The following CDK19 variants were observed in gnomAD, a reference collection of about 807,000 sequenced individuals.
CDK19 encodes cyclin-dependent kinase 19.
Under a neutral mutation model 68.3 loss-of-function variants are expected in CDK19, and 20 were observed. That is an observed-to-expected ratio of 0.29 (90% CI 0.21 to 0.43). The LOEUF is 0.43. Ranked by LOEUF, CDK19 falls within the 20% of genes least tolerant of loss-of-function variation. The pLI, the probability that CDK19 is intolerant of heterozygous loss-of-function variation, is 1.00. For missense variants in CDK19, 339 were observed against 623.5 expected (o/e 0.54, Z 4.86); for synonymous variants, 221 against 222.8 (o/e 0.99, Z 0.07).
intron 2 of CDK19, 49 bp downstream of exon 2, chr6:110,746,077 T>C: frequency 1.1e-6 from 1 of 888,184 alleles, no homozygotes; most frequent in Non-Finnish European, 1.7e-6. Flanking sequence ...AAATAAATCA[T>C]CACCCAATAT....
At chr6:110,755,261 G>C (rs550190392) in intron 1 of CDK19, among the ~76,000 whole-genome samples, 1 of 151,928 alleles carries the variant, frequency 6.6e-6, no homozygotes, top group South Asian at 2.1e-4. Context: ...GGCTGGTCTC[G>C]AACTCCTGAC....
rs1408824747 is a variant in CDK19, at chr6:110,627,161, C to T, written c.647-16G>A. ...GCCCATATATCTGGGAAGGAAGAAA[C>T]ATAAGTTTTTGTATATATTTCCTTG... is the stretch of plus-strand genomic sequence containing the variant. On this transcript the variant is annotated splice_polypyrimidine_tract_variant and intron_variant, in intron 6 of 12. Transcript: ENST00000368911. 1 of 1,588,688 alleles carries T rather than the reference C, an allele frequency of 6.3e-7. No individual in the cohort carries two copies. Among genetic ancestry groups the T allele is most frequent in the Admixed American group, 1.8e-5 (1 of 56,462 alleles).
rs115645090 is a variant in CDK19, at chr6:110,771,544, C to T, written c.129-25343G>A. On this transcript the variant is annotated intron_variant, in intron 1 of 12. Transcript: ENST00000368911. ...CCAGGCCTGTGATGGGAGAGGCTGCCTTGAAGATCTCTGACATGCTCTGGA... is the reference window on the plus strand; with the variant it reads ...CCAGGCCTGTGATGGGAGAGGCTGCTTTGAAGATCTCTGACATGCTCTGGA... Among the ~76,000 whole-genome samples the T allele has an allele frequency of 5.5e-3, 835 of 152,318 alleles. 8 individuals are homozygous for T. The highest frequency in any genetic ancestry group is 0.02 in the African/African-American group (813 of 41,576).
chr6:110,723,146 A>AC (rs1776051444), intron 2 of CDK19, among the ~76,000 whole-genome samples: 1 of 102,340 alleles, frequency 9.8e-6, no homozygotes, highest in African/African-American at 2.8e-5. Flanking sequence ...AAAAAAAACA[A>AC]AAAACAAAAA....
intron 4 of CDK19, among the ~76,000 whole-genome samples, chr6:110,661,124 G>C (rs900395513): frequency 6.6e-6 from 1 of 152,080 alleles, no homozygotes. Context: ...ATATATAGAT[G>C]GTTCCCAACT....
intron 2 of CDK19, among the ~76,000 whole-genome samples, chr6:110,682,545 A>G (rs968129945): frequency 6.6e-6 from 1 of 152,126 alleles, no homozygotes; most frequent in Admixed American, 6.6e-5. Context: ...ATACTCTGAA[A>G]AGGGGTCTGT....
chr6:110,719,887 T>C (rs1003043452), intron 2 of CDK19, among the ~76,000 whole-genome samples: 1 of 151,620 alleles, frequency 6.6e-6, no homozygotes, highest in Non-Finnish European at 1.5e-5. Flanking sequence ...TGCGCCACCA[T>C]GTCCAGCTAA....
At chr6:110,746,282 C>CA (rs1309138087) in intron 1 of CDK19, 81 bp from the exon 2 acceptor site, 3 of 775,356 alleles carry the variant, frequency 3.9e-6, no homozygotes, top group Non-Finnish European at 6.4e-6. Context: ...AATGGAAATG[C>CA]ACTTAATTTC....
chr6:110,654,339 T>G (rs1017073452), intron 4 of CDK19, among the ~76,000 whole-genome samples: 10 of 152,156 alleles, frequency 6.6e-5, no homozygotes, highest in Non-Finnish European at 1.3e-4. Flanking sequence ...TCTTAAGCAG[T>G]TATTTGCTAA....
intron 1 of CDK19, among the ~76,000 whole-genome samples, chr6:110,794,618 T>C (rs1781816504): frequency 6.6e-6 from 1 of 151,394 alleles, no homozygotes; most frequent in African/African-American, 2.4e-5. Context: ...TTAGCCAGGA[T>C]GGTCTCGATC....
intron 1 of CDK19, among the ~76,000 whole-genome samples, chr6:110,774,295 TC>T (rs146090426): frequency 2.6e-5 from 4 of 152,102 alleles, no homozygotes; most frequent in African/African-American, 9.7e-5. Flanking sequence ...TATGCAGTAG[TC>T]CCCCCTTATC....
At chr6:110,803,030 G>T (rs1228873273) in intron 1 of CDK19, among the ~76,000 whole-genome samples, 1 of 151,968 alleles carries the variant, frequency 6.6e-6, no homozygotes, top group Non-Finnish European at 1.5e-5. Context: ...TTACCTCTGA[G>T]ATGTGACAAG....
chr6:110,761,760 TTTTAC>T (rs1455607453), intron 1 of CDK19, among the ~76,000 whole-genome samples: 1 of 152,136 alleles, frequency 6.6e-6, no homozygotes, highest in Non-Finnish European at 1.5e-5. Context: ...TTACCAATTA[TTTTAC>T]TTTACTTTTG....
chr6:110,665,774 G>A (rs1040648335), intron 4 of CDK19, among the ~76,000 whole-genome samples: 2 of 151,992 alleles, frequency 1.3e-5, no homozygotes, highest in Admixed American at 1.3e-4. Flanking sequence ...TTTGAGATAC[G>A]GTCTGGCTCA....
At chr6:110,687,832 C>T (rs1471427539) in intron 2 of CDK19, among the ~76,000 whole-genome samples, 8 of 152,168 alleles carry the variant, frequency 5.3e-5, no homozygotes, top group African/African-American at 1.9e-4. Flanking sequence ...AACACCATAA[C>T]TTTCGATAAT....
intron 1 of CDK19, among the ~76,000 whole-genome samples, chr6:110,809,695 G>A (rs547516895): frequency 1.0e-3 from 154 of 152,242 alleles, no homozygotes; most frequent in Non-Finnish European, 1.9e-3. Context: ...ATAAACTTGC[G>A]TTTTTAAAGG....
intron 5 of CDK19, among the ~76,000 whole-genome samples, chr6:110,637,850 C>A (rs541443520): frequency 6.6e-6 from 1 of 151,990 alleles, no homozygotes; most frequent in African/African-American, 2.4e-5. Flanking sequence ...GGCGTGGTGG[C>A]GGGAGCCTGT....
At chr6:110,689,905 A>G (rs1772826747) in intron 2 of CDK19, among the ~76,000 whole-genome samples, 1 of 151,134 alleles carries the variant, frequency 6.6e-6, no homozygotes, top group South Asian at 2.1e-4. Flanking sequence ...GGGAAGGGGA[A>G]GTGCACCATA....
intron 1 of CDK19, among the ~76,000 whole-genome samples, chr6:110,750,658 T>C (rs995363917): frequency 2.0e-5 from 3 of 152,122 alleles, no homozygotes; most frequent in African/African-American, 4.8e-5. Context: ...AAAAAGGAGA[T>C]GTCCTGAAGA....
Sources: gnomAD v4.1 joint callset for allele counts (sites outside exome capture counted in the v4.1 genomes callset) on GRCh38, gnomAD v4.1.1 for gene constraint, MANE v1.5 for transcripts, NCBI Gene and HGNC (gene_info 2026-07-23, HGNC 2026-07-21) for gene names.